The following ULK4 variants were observed in gnomAD, a reference collection of about 807,000 sequenced individuals.
The protein encoded by ULK4 is unc-51 like kinase 4.
A neutral mutation model predicts 160.6 loss-of-function variants in ULK4; 133 were observed. That is an observed-to-expected ratio of 0.83 (90% CI 0.72 to 0.96). The LOEUF (loss-of-function observed/expected upper bound fraction) is 0.96. Among genes scored for constraint, ULK4 ranks in the 40% least tolerant of loss-of-function variants. The pLI, the probability that ULK4 is intolerant of heterozygous loss-of-function variation, is 0.00. For synonymous variants in ULK4, 534 were observed against 539.8 expected (o/e 0.99, Z 0.15); for missense variants, 1,580 against 1,499.5 (o/e 1.05, Z -0.89).
At chr3:41,642,257 T>C (rs1157519119) in intron 30 of ULK4, among the ~76,000 whole-genome samples, 1 of 152,142 alleles carries the variant, frequency 6.6e-6, no homozygotes, top group Non-Finnish European at 1.5e-5. Flanking sequence ...GTTACTTATG[T>C]ATACATGTGC....
At chr3:41,475,308 G>A (rs2084106821) in intron 32 of ULK4, among the ~76,000 whole-genome samples, 1 of 152,178 alleles carries the variant, frequency 6.6e-6, no homozygotes, top group East Asian at 1.9e-4. Flanking sequence ...GAAGCAGAGA[G>A]TAGAATGGTG....
At chr3:41,298,750 G>A (rs905706610) in intron 35 of ULK4, among the ~76,000 whole-genome samples, 5 of 152,144 alleles carry the variant, frequency 3.3e-5, no homozygotes, top group Admixed American at 2.0e-4. Flanking sequence ...TTAAGAAGCT[G>A]GTATGGCATT....
chr3:41,694,173 A>C (rs1214062372), intron 27 of ULK4, among the ~76,000 whole-genome samples: 1 of 152,232 alleles, frequency 6.6e-6, no homozygotes, highest in African/African-American at 2.4e-5. Flanking sequence ...CAGAACGGGC[A>C]ATGGCAAGAA....
chr3:41,327,935 C>T (rs2080368332), intron 35 of ULK4, among the ~76,000 whole-genome samples: 1 of 152,102 alleles, frequency 6.6e-6, no homozygotes, highest in Non-Finnish European at 1.5e-5. Context: ...GGTGACGGCA[C>T]AAAAATCAAA....
chr3:41,747,000 T>G (rs6599176), intron 22 of ULK4, among the ~76,000 whole-genome samples: 47,687 of 151,734 alleles, frequency 0.31, 11,181 homozygotes, highest in African/African-American at 0.66. Flanking sequence ...ACTTTATGCG[T>G]AAAATTAACT....
intron 32 of ULK4, among the ~76,000 whole-genome samples, chr3:41,514,254 C>A (rs183251957): frequency 1.3e-4 from 20 of 152,168 alleles, no homozygotes; most frequent in Admixed American, 1.0e-3. Context: ...AAATAAACAG[C>A]CTTTTTGGGG....
intron 17 of ULK4, among the ~76,000 whole-genome samples, chr3:41,860,189 A>C (rs1348836285): frequency 6.6e-6 from 1 of 152,216 alleles, no homozygotes; most frequent in Non-Finnish European, 1.5e-5. Context: ...TCTGAGAAAA[A>C]GAATGTGCAT....
chr3:41,658,809 G>A (rs2035042460), intron 30 of ULK4, among the ~76,000 whole-genome samples: 1 of 151,232 alleles, frequency 6.6e-6, no homozygotes, highest in Non-Finnish European at 1.5e-5. Context: ...GCTTTTCTCT[G>A]TATACCCTTC....
At chr3:41,547,797 T>C (rs910793029) in intron 32 of ULK4, among the ~76,000 whole-genome samples, 5 of 152,220 alleles carry the variant, frequency 3.3e-5, no homozygotes, top group Admixed American at 1.3e-4. Context: ...CAATGCCAGC[T>C]GGAACCATAA....
chr3:41,553,087 C>T (rs12488489), intron 32 of ULK4, among the ~76,000 whole-genome samples: 77,599 of 151,754 alleles, frequency 0.51, 19,939 homozygotes, highest in Middle Eastern at 0.57. Flanking sequence ...CCTCTCACCT[C>T]ATACAAAAAT....
intron 35 of ULK4, among the ~76,000 whole-genome samples, chr3:41,274,019 C>G (rs747886836): frequency 6.3e-4 from 96 of 152,052 alleles, no homozygotes; most frequent in Non-Finnish European, 1.1e-3. Flanking sequence ...ATTACCCAGT[C>G]TCAGGTATTT....
At chr3:41,537,656 A>T (rs550476226) in intron 32 of ULK4, among the ~76,000 whole-genome samples, 1 of 152,312 alleles carries the variant, frequency 6.6e-6, no homozygotes, top group Non-Finnish European at 1.5e-5. Context: ...TAAATGCAAG[A>T]TACTTACTAA....
At chr3:41,827,742 C>T (rs147161670) in intron 18 of ULK4, among the ~76,000 whole-genome samples, 27,494 of 151,762 alleles carry the variant, frequency 0.18, 2,532 homozygotes, top group Middle Eastern at 0.31. Flanking sequence ...TGGTACCATT[C>T]CTTCTGAAAC....
intron 30 of ULK4, among the ~76,000 whole-genome samples, chr3:41,661,196 T>C (rs1051637585): frequency 2.0e-5 from 3 of 152,112 alleles, no homozygotes; most frequent in South Asian, 2.1e-4. Flanking sequence ...GTTAGGTGAA[T>C]GCAAATAAAA....
chr3:41,749,211 G>A (rs1288604199), intron 22 of ULK4, among the ~76,000 whole-genome samples: 7 of 152,282 alleles, frequency 4.6e-5, no homozygotes, highest in East Asian at 1.9e-4. Context: ...GGCAGGGAGC[G>A]GTGGCTCACA....
intron 30 of ULK4, among the ~76,000 whole-genome samples, chr3:41,637,153 T>C (rs2033990399): frequency 6.6e-6 from 1 of 152,108 alleles, no homozygotes; most frequent in South Asian, 2.1e-4. Context: ...GGACATTACA[T>C]CCTAACTGAA....
At chr3:41,854,572 T>G (rs958967236) in intron 17 of ULK4, among the ~76,000 whole-genome samples, 13 of 152,150 alleles carry the variant, frequency 8.5e-5, no homozygotes, top group Admixed American at 4.6e-4. Context: ...GTCTCCTAAG[T>G]TGATGCTTGA....
intron 32 of ULK4, among the ~76,000 whole-genome samples, chr3:41,531,307 G>C (rs1344074545): frequency 6.6e-6 from 1 of 150,804 alleles, no homozygotes; most frequent in Non-Finnish European, 1.5e-5. Flanking sequence ...CAGGTATGGT[G>C]GTGGGCGCCA....
At chr3:41,708,309 G>A (rs6768328) in intron 25 of ULK4, among the ~76,000 whole-genome samples, 5 of 152,068 alleles carry the variant, frequency 3.3e-5, no homozygotes, top group South Asian at 2.1e-4. Context: ...ACAGATGAAC[G>A]GATTTTTTAA....
Sources: allele counts gnomAD v4.1 joint callset (sites outside exome capture counted in the v4.1 genomes callset), GRCh38; gene constraint gnomAD v4.1.1; transcripts MANE v1.5; gene names NCBI Gene and HGNC (gene_info 2026-07-23, HGNC 2026-07-21).